The following RAB5B variants were observed in gnomAD, a reference collection of about 807,000 sequenced individuals.
The protein encoded by RAB5B is RAB5B, member RAS oncogene family.
In RAB5B, 11 loss-of-function variants were observed where a neutral mutation model predicts 28.6. The ratio of observed to expected loss-of-function variants is 0.38; its 90% CI spans 0.24 to 0.64. The LOEUF is 0.64. Ranked by LOEUF, RAB5B falls within the 30% of genes least tolerant of loss-of-function variation. The pLI, the probability that RAB5B is intolerant of heterozygous loss-of-function variation, is 0.53. For missense variants in RAB5B, 169 were observed against 265.6 expected (o/e 0.64, Z 2.53); for synonymous variants, 93 against 97.9 (o/e 0.95, Z 0.29).
At chr12:55,985,801 G>C (rs1306566418) in intron 1 of RAB5B, 2 of 450,250 alleles carry the variant, frequency 4.4e-6, no homozygotes, top group Admixed American at 4.8e-5. Context: ...CTAATCCCTA[G>C]GCACCAGCAA....
rs762489089 is a variant in RAB5B, at chr12:55,989,905, C to T, written c.164-42C>T. 7.0e-6 allele frequency: 11 copies of T among 1,581,782 alleles called. No individual in the cohort carries two copies. The South Asian group carries it at 1.2e-4, about 17-fold the overall frequency. On this transcript the variant is annotated intron_variant, in intron 2 of 5. Coordinates refer to ENST00000360299, the MANE Select transcript of RAB5B (RefSeq NM_002868.4). ...GGGGGGAGGGATGTTCCCATTCATC[C>T]TCCCACTTACAGCATCTTCCCCTCC...
chr12:55,986,053 A>G (rs1173627085), intron 1 of RAB5B, among the ~76,000 whole-genome samples: 6 of 152,348 alleles, frequency 3.9e-5, no homozygotes, highest in Admixed American at 1.3e-4. Flanking sequence ...CCGGTCATAT[A>G]TAAAGGATAC....
intron 4 of RAB5B, 194 bp downstream of exon 4, chr12:55,990,998 C>A: frequency 1.4e-6 from 1 of 707,994 alleles, no homozygotes; most frequent in Admixed American, 3.0e-5. Context: ...CAGGAGAAAA[C>A]TCCAGAGCAG....
At chr12:55,990,854 C>T (rs767705413) in intron 4 of RAB5B, 50 bp downstream of exon 4, 2 of 1,597,648 alleles carry the variant, frequency 1.3e-6, no homozygotes, top group Non-Finnish European at 1.7e-6. Context: ...GTTCCTGGGA[C>T]CTCTTTTTTT....
intron 1 of RAB5B, chr12:55,985,554 A>G: frequency 8.9e-6 from 3 of 336,484 alleles, no homozygotes; most frequent in South Asian, 6.8e-5. Flanking sequence ...TTAGACGATT[A>G]GAATCTCAAA....
intron 1 of RAB5B, chr12:55,981,104 T>C: frequency 7.1e-7 from 1 of 1,401,092 alleles, no homozygotes; most frequent in Non-Finnish European, 9.9e-7. Flanking sequence ...CGCTCTGTTG[T>C]CCAGGCTGGA....
intron 1 of RAB5B, chr12:55,980,732 T>C: frequency 6.3e-7 from 1 of 1,579,668 alleles, no homozygotes; most frequent in African/African-American, 1.3e-5. Flanking sequence ...TTTCATCCAG[T>C]TCTGAATATT....
At chr12:55,982,893 T>G (rs1592798201) in intron 1 of RAB5B, among the ~76,000 whole-genome samples, 1 of 152,320 alleles carries the variant, frequency 6.6e-6, no homozygotes, top group Non-Finnish European at 1.5e-5. Flanking sequence ...CATTGAGGCT[T>G]AATATTCTAC....
intron 1 of RAB5B, among the ~76,000 whole-genome samples, chr12:55,986,158 A>C (rs1312621217): frequency 6.6e-6 from 1 of 152,194 alleles, no homozygotes; most frequent in African/African-American, 2.4e-5. Flanking sequence ...AGGAAAAATG[A>C]AAAGAAGGCC....
In RAB5B at chr12:55,994,977, A is replaced by T. The variant is rs1455373176; in HGVS notation, c.*2765A>T. 2 of 152,082 alleles carry T rather than the reference A, an allele frequency of 1.3e-5. No homozygotes were observed. 9.4% of individuals were successfully genotyped at this position (152,082 alleles called of 1,614,324 possible). The stretch of plus-strand genomic sequence containing the variant: ...AAATCAAACCCTATTATATCTTTTT[A>T]GGCCCTCTTAACAGAATGTATATGT... On this transcript the variant is annotated 3_prime_UTR_variant, in exon 6 of 6. Transcript: ENST00000360299.
chr12:55,990,210 C>A, intron 3 of RAB5B, 112 bp downstream of exon 3: 1 of 1,193,322 alleles, frequency 8.4e-7, no homozygotes, highest in Non-Finnish European at 1.2e-6. Context: ...GAGATTGAGA[C>A]CATCCTGGCC....
Position 55,986,899 on chromosome 12 carries a change from T to TTCC in RAB5B, c.-62_-61insTCC. ...TTGAAGCCTGGAAATCCCCTCCCCT[T>TTCC]CCCCCTCCCCCCTTTACAGTATCCC... On this transcript the variant is annotated 5_prime_UTR_variant, in exon 2 of 6. Coordinates refer to ENST00000360299, the MANE Select transcript of RAB5B (RefSeq NM_002868.4). The TTCC allele has an allele frequency of 1.2e-5, 5 of 418,950 alleles. No individual in the cohort carries two copies. Among genetic ancestry groups the TTCC allele is most frequent in the South Asian group, 1.9e-5 (1 of 52,536 alleles). 26.0% of individuals were successfully genotyped at this position (418,950 alleles called of 1,614,324 possible).
chr12:55,990,618 TA>T, intron 3 of RAB5B, 63 bp from the exon 4 acceptor site: 1 of 1,591,586 alleles, frequency 6.3e-7, no homozygotes, highest in Non-Finnish European at 8.6e-7. Context: ...AGACTCATTT[TA>T]AAAGGTGATG....
At chr12:55,986,080 C>G (rs1448533686) in intron 1 of RAB5B, among the ~76,000 whole-genome samples, 1 of 152,192 alleles carries the variant, frequency 6.6e-6, no homozygotes, top group Non-Finnish European at 1.5e-5. Context: ...AACTACCCTT[C>G]TGCCCTTAGG....
At chr12:55,982,335 A>G (rs558942544) in intron 1 of RAB5B, among the ~76,000 whole-genome samples, 2 of 152,192 alleles carry the variant, frequency 1.3e-5, no homozygotes, top group African/African-American at 4.8e-5. Flanking sequence ...TCATTTCTGT[A>G]CCACAGAATT....
chr12:55,979,865 G>T (rs1400181074), intron 1 of RAB5B, among the ~76,000 whole-genome samples: 1 of 152,194 alleles, frequency 6.6e-6, no homozygotes, highest in East Asian at 1.9e-4. Flanking sequence ...GGTATAAGAG[G>T]CAGGAGTACC....
chr12:55,984,951 T>C (rs964491966), intron 1 of RAB5B, among the ~76,000 whole-genome samples: 1 of 152,236 alleles, frequency 6.6e-6, no homozygotes, highest in African/African-American at 2.4e-5. Context: ...ATTCTCTTTA[T>C]ATCATATTAG....
chr12:55,991,653 G>A (rs1890125756), intron 5 of RAB5B, 200 bp downstream of exon 5: 2 of 527,846 alleles, frequency 3.8e-6, no homozygotes, highest in East Asian at 3.4e-5. Context: ...TGCCGGCCAG[G>A]TGTGGTGGCT....
At chr12:55,974,586 C>T (rs1889593948) in intron 1 of RAB5B, among the ~76,000 whole-genome samples, 1 of 152,094 alleles carries the variant, frequency 6.6e-6, no homozygotes, top group Non-Finnish European at 1.5e-5. Context: ...ATTGGAAGGG[C>T]CTGAGAAGGG....
Sources: allele counts gnomAD v4.1 joint callset (sites outside exome capture counted in the v4.1 genomes callset), GRCh38; gene constraint gnomAD v4.1.1; transcripts MANE v1.5; gene names NCBI Gene and HGNC (gene_info 2026-07-23, HGNC 2026-07-21).